Variants in SNRK observed in about 807,000 individuals in gnomAD.
SNRK encodes the protein SNF-related serine/threonine-protein kinase.
A neutral mutation model predicts 48.2 loss-of-function variants in SNRK; 3 were observed. The ratio of observed to expected loss-of-function variants is 0.06; its 90% CI spans 0.03 to 0.16. The LOEUF is 0.16. Among genes scored for constraint, SNRK ranks in the 10% least tolerant of loss-of-function variants. SNRK has a pLI of 1.00. For synonymous variants in SNRK, 376 were observed against 366.1 expected, an observed-to-expected ratio of 1.03 and a Z score of -0.31; for missense variants, 627 against 976.0, an observed-to-expected ratio of 0.64 and a Z score of 4.76.
chr3:43,308,571 A>G (rs1243405473), intron 3 of SNRK, among the ~76,000 whole-genome samples: 1 of 152,224 alleles, frequency 6.6e-6, no homozygotes, highest in Non-Finnish European at 1.5e-5. Flanking sequence ...CCTGAATGAC[A>G]ACACATCTGT....
intron 3 of SNRK, among the ~76,000 whole-genome samples, chr3:43,306,055 TA>T (rs1291678071): frequency 6.6e-6 from 1 of 152,142 alleles, no homozygotes; most frequent in African/African-American, 2.4e-5. Flanking sequence ...AAAAAGCTAT[TA>T]AAAAAGGAAA....
At chr3:43,298,048 G>A (rs2090870103) in intron 1 of SNRK, among the ~76,000 whole-genome samples, 1 of 152,136 alleles carries the variant, frequency 6.6e-6, no homozygotes, top group African/African-American at 2.4e-5. Flanking sequence ...GGTGGTGGTG[G>A]TAGCTGGTAT....
chr3:43,343,301 C>T (rs747435628), intron 5 of SNRK, 43 bp from the exon 6 acceptor site: 2 of 1,535,762 alleles, frequency 1.3e-6, no homozygotes, highest in South Asian at 1.3e-5. Flanking sequence ...GTAAAAAAAC[C>T]TCCTGATATG....
chr3:43,297,795 G>C (rs1010920515), intron 1 of SNRK, among the ~76,000 whole-genome samples: 1 of 152,058 alleles, frequency 6.6e-6, no homozygotes, highest in Admixed American at 6.5e-5. Flanking sequence ...CTTACATTTT[G>C]TGAGATATTT....
At chr3:43,287,433 G>A (rs2090775190) in intron 1 of SNRK, among the ~76,000 whole-genome samples, 6 of 152,116 alleles carry the variant, frequency 3.9e-5, no homozygotes, top group Admixed American at 3.3e-4. Flanking sequence ...TGTAACTGTT[G>A]GATCGCATAC....
At chr3:43,313,762 A>G (rs2090995660) in intron 3 of SNRK, among the ~76,000 whole-genome samples, 1 of 152,206 alleles carries the variant, frequency 6.6e-6, no homozygotes. Flanking sequence ...ATTTAAGCAC[A>G]ATGTTACTAT....
Position 43,347,890 on chromosome 3 carries a change from G to A in SNRK, c.1631G>A (p.Ser544Asn). 2 of 1,614,224 alleles carry A rather than the reference G, an allele frequency of 1.2e-6. No individual in the cohort carries two copies. The highest frequency in any genetic ancestry group is 1.7e-6 in the Non-Finnish European group (2 of 1,180,046). The change falls in exon 7 of 7, where the codon AGT becomes AAT. Residue 544 changes from serine (S) to asparagine (N), a missense_variant. This residue lies in a region of SNRK where 98 missense variants were observed against 175.2 expected (regional missense o/e 0.56). Coordinates refer to ENST00000296088, the MANE Select transcript of SNRK (RefSeq NM_017719.5). This position sits in a 1 kb window ranked among gnomAD's most constrained non-coding sequence, Gnocchi z 5.4. The stretch of plus-strand genomic sequence containing the variant: ...TCCAGCTGCAGTAGTTCGGAGACCA[G>A]TGATGATGATTCTGAAAGCCGGCGG... ...RGSSCSSSET[S>N]DDDSESRRRL...
At chr3:43,315,848 G>T (rs2091009767) in intron 3 of SNRK, among the ~76,000 whole-genome samples, 1 of 152,148 alleles carries the variant, frequency 6.6e-6, no homozygotes, top group South Asian at 2.1e-4. Flanking sequence ...GCTGCCAAAT[G>T]AAATGTCACA....
At chr3:43,298,282 T>C (rs1354196522) in intron 1 of SNRK, among the ~76,000 whole-genome samples, 2 of 152,212 alleles carry the variant, frequency 1.3e-5, no homozygotes, top group African/African-American at 4.8e-5. Flanking sequence ...CCAGTACTTA[T>C]TACTGTACTA....
chr3:43,348,963 C>T lies in SNRK; in HGVS notation c.*406C>T, dbSNP rs1488810506. 6.4e-6 allele frequency: 1 copy of T among 156,480 alleles called. No homozygotes were observed. The highest frequency in any genetic ancestry group is 2.4e-5 in the African/African-American group (1 of 41,556). 9.7% of individuals were successfully genotyped at this position (156,480 alleles called of 1,614,324 possible). ...GATGTGGAAACCCTAGGCTCTGAGA[C>T]ACACTCTCTGGTGTCTGAGACAGAA... On this transcript the variant is annotated 3_prime_UTR_variant, in exon 7 of 7. Coordinates refer to ENST00000296088, the MANE Select transcript of SNRK (RefSeq NM_017719.5).
At position 43,347,175 on chromosome 3, in the gene SNRK, G is replaced by A; in HGVS notation, c.1080-164G>A. On this transcript the variant is annotated intron_variant, in intron 6 of 6. Coordinates refer to ENST00000296088, the MANE Select transcript of SNRK (RefSeq NM_017719.5). The surrounding 1 kb of genome is among the most constrained non-coding windows in gnomAD (Gnocchi z 5.4). ...GTTTCAAAACCACATTTGCCCTTCTGGTGGCCTTGCTGATGTTTACAGGAT... is the reference window on the plus strand; with the variant it reads ...GTTTCAAAACCACATTTGCCCTTCTAGTGGCCTTGCTGATGTTTACAGGAT... 2 of 650,278 alleles carry A rather than the reference G, an allele frequency of 3.1e-6. No homozygotes were observed. Among genetic ancestry groups the A allele is most frequent in the Non-Finnish European group, 4.9e-6 (2 of 405,424 alleles). The allele number at this position is 650,278 out of a possible 1,614,324, so 40.3% of individuals were successfully genotyped here.
chr3:43,325,896 C>T (rs1345020329), intron 3 of SNRK, among the ~76,000 whole-genome samples: 1 of 152,144 alleles, frequency 6.6e-6, no homozygotes, highest in Non-Finnish European at 1.5e-5. Context: ...AGCTTTAGGC[C>T]AGGCATGCTA....
intron 6 of SNRK, among the ~76,000 whole-genome samples, chr3:43,344,070 T>C (rs904537249): frequency 5.9e-5 from 9 of 152,222 alleles, no homozygotes; most frequent in East Asian, 3.9e-4. Flanking sequence ...TGGAGAGGAA[T>C]GATGAATTAA....
rs1024951800 is a variant in SNRK, at chr3:43,347,275, T to A, written c.1080-64T>A. 7.6e-6 allele frequency: 11 copies of A among 1,451,564 alleles called. No individual in the cohort carries two copies. Among genetic ancestry groups the A allele is most frequent in the Non-Finnish European group, 8.3e-6 (9 of 1,086,148 alleles). The allele number at this position is 1,451,564 out of a possible 1,614,324, so 89.9% of individuals were successfully genotyped here. On this transcript the variant is annotated intron_variant, in intron 6 of 6. Transcript: ENST00000296088. The surrounding 1 kb of genome is among the most constrained non-coding windows in gnomAD (Gnocchi z 5.4). ...TTGTCCCAGTAAGTTCATTGTGATG[T>A]ACTTTACTATCATCTGCATAATGAT... is the stretch of plus-strand genomic sequence containing the variant.
chr3:43,319,509 AG>A (rs2125631144), intron 3 of SNRK, among the ~76,000 whole-genome samples: 1 of 152,204 alleles, frequency 6.6e-6, no homozygotes, highest in South Asian at 2.1e-4. Context: ...CTAAAAAAGG[AG>A]GATGATGAAG....
Position 43,347,012 on chromosome 3 carries a change from A to G in SNRK, c.1080-327A>G, listed in dbSNP as rs1463476355. 1.4e-5 allele frequency: 3 copies of G among 209,478 alleles called. No individual in the cohort carries two copies. The highest frequency in any genetic ancestry group is 2.3e-5 in the African/African-American group (1 of 43,622). 13.0% of individuals were successfully genotyped at this position (209,478 alleles called of 1,614,324 possible). ...GTGGTGTTCAGGTTTTGCTTTGCCA[A>G]TAACCTCCATGGGCTTCTAAAAAAT... On this transcript the variant is annotated intron_variant, in intron 6 of 6. Coordinates refer to ENST00000296088, the MANE Select transcript of SNRK (RefSeq NM_017719.5). The surrounding 1 kb of genome is among the most constrained non-coding windows in gnomAD (Gnocchi z 5.4).
chr3:43,324,499 A>C (rs746262975), intron 3 of SNRK, among the ~76,000 whole-genome samples: 22 of 139,222 alleles, frequency 1.6e-4, no homozygotes, highest in Non-Finnish European at 3.0e-4. Context: ...ATAGGGTGAG[A>C]CTCTGTCTCA....
chr3:43,343,209 G>A (rs562642432), intron 5 of SNRK, 135 bp from the exon 6 acceptor site: 250 of 1,216,120 alleles, frequency 2.1e-4, no homozygotes, highest in Non-Finnish European at 2.5e-4. Flanking sequence ...TTTTTTTCTG[G>A]TTTGCATTTT....
intron 3 of SNRK, among the ~76,000 whole-genome samples, chr3:43,314,711 G>T (rs2091002102): frequency 6.6e-6 from 1 of 152,196 alleles, no homozygotes; most frequent in South Asian, 2.1e-4. Flanking sequence ...GCCTAAGTAA[G>T]CCGTAAAACC....
Sources: allele counts gnomAD v4.1 joint callset (sites outside exome capture counted in the v4.1 genomes callset), GRCh38; gene constraint gnomAD v4.1.1; regional missense constraint gnomAD v4.1.1; non-coding constraint Gnocchi (gnomAD v3.1); transcripts MANE v1.5; gene names NCBI Gene and HGNC (gene_info 2026-07-23, HGNC 2026-07-21).